The following FSCN2 variants were observed in gnomAD, a reference collection of about 807,000 sequenced individuals.
FSCN2 encodes the protein fascin actin-bundling protein 2, retinal.
A neutral mutation model predicts 37.8 loss-of-function variants in FSCN2; 46 were observed. The ratio of observed to expected loss-of-function variants is 1.22; its 90% CI spans 0.96 to 1.56. The LOEUF (loss-of-function observed/expected upper bound fraction) is 1.56. Among genes scored for constraint, FSCN2 ranks in the 40% most tolerant of loss-of-function variants. The pLI, the probability that FSCN2 is intolerant of heterozygous loss-of-function variation, is 0.00. For synonymous variants in FSCN2, 351 were observed against 309.4 expected (o/e 1.13, Z -1.41); for missense variants, 844 against 730.4 (o/e 1.16, Z -1.79).
chr17:81,529,822 T>A (rs899098384), intron 1 of FSCN2, among the ~76,000 whole-genome samples: 1 of 152,208 alleles, frequency 6.6e-6, no homozygotes, highest in Non-Finnish European at 1.5e-5. Flanking sequence ...TATTTATTTA[T>A]TTTTTGAGAC....
chr17:81,530,326 A>G (rs1429004603), intron 1 of FSCN2, among the ~76,000 whole-genome samples: 2 of 152,154 alleles, frequency 1.3e-5, no homozygotes, highest in Non-Finnish European at 2.9e-5. Context: ...TCCCTGCCCC[A>G]GTGGGGCGTG....
chr17:81,528,383 G>A lies in FSCN2; in HGVS notation c.-149G>A, dbSNP rs979253113. On this transcript the variant is annotated 5_prime_UTR_variant, in exon 1 of 5. Transcript: ENST00000417245. The stretch of plus-strand genomic sequence containing the variant: ...CAGGCTGCTGCCGCGGGTCAGAGGC[G>A]GGTCAGAGCAGGCAGGGGGTTCGTG... 5.1e-5 allele frequency: 32 copies of A among 627,590 alleles called. No individual in the cohort carries two copies. Among genetic ancestry groups the A allele is most frequent in the African/African-American group, 3.3e-4 (18 of 54,352 alleles). 38.9% of individuals were successfully genotyped at this position (627,590 alleles called of 1,614,324 possible).
At position 81,537,016 on chromosome 17, in the gene FSCN2, G is replaced by A. The variant is rs760738833; in HGVS notation, c.1415G>A (p.Gly472Asp). ...CGGAGCGGCAAGTACCTGCGCGGCG[G>A]CGCCTCGGGCCTGCTGCGGGCCGAT... is the stretch of plus-strand genomic sequence containing the variant. ...RARSGKYLRG[G>D]ASGLLRADAD... Residue 472 changes from glycine (G) to aspartate (D), a missense_variant, in exon 5 of 5, where the codon GGC becomes GAC. Gly to Asp is a moderately conservative substitution (Grantham distance 94, BLOSUM62 -1). Coordinates refer to ENST00000417245, the MANE Select transcript of FSCN2 (RefSeq NM_012418.4). 1 of 1,503,948 alleles carries A rather than the reference G, an allele frequency of 6.6e-7. No individual in the cohort carries two copies. The highest frequency in any genetic ancestry group is 2.7e-5 in the East Asian group (1 of 36,580). 93.2% of individuals were successfully genotyped at this position (1,503,948 alleles called of 1,614,324 possible).
chr17:81,528,941 TCCACCCGCAGGCCCAC>T lies in FSCN2; in HGVS notation c.412_427del (p.His138CysfsTer2), dbSNP rs1482392797. On this transcript the variant is annotated frameshift_variant, in exon 1 of 5. Coordinates refer to ENST00000417245, the MANE Select transcript of FSCN2 (RefSeq NM_012418.4). LOFTEE classifies it high-confidence loss of function. Reference sequence around the variant, plus strand: ...GAGCTGTGGACCGTGCACCTGGCCATCCACCCGCAGGCCCACCTGCTGAGCGTGAGCCGGCGGCGCT... The same window carrying T: ...GAGCTGTGGACCGTGCACCTGGCCATCTGCTGAGCGTGAGCCGGCGGCGCT... 7 of 1,590,826 alleles carry T rather than the reference TCCACCCGCAGGCCCAC, an allele frequency of 4.4e-6. No individual in the cohort carries two copies. In the Admixed American group the frequency reaches 1.2e-4, roughly 27 times the overall value.
Position 81,537,084 on chromosome 17 carries a change from C to G in FSCN2, c.*4C>G, listed in dbSNP as rs794727711. On this transcript the variant is annotated 3_prime_UTR_variant, in exon 5 of 5. Coordinates refer to ENST00000417245, the MANE Select transcript of FSCN2 (RefSeq NM_012418.4). The stretch of plus-strand genomic sequence containing the variant: ...GACCGCGCTTTGGGAGTACTGAGGC[C>G]GCGCCCAGACCAGCCTGTCGCGCAT... 3 of 1,431,894 alleles carry G rather than the reference C, an allele frequency of 2.1e-6. No homozygotes were observed. Among genetic ancestry groups the G allele is most frequent in the Middle Eastern group, 3.9e-4 (2 of 5,096 alleles). The allele number at this position is 1,431,894 out of a possible 1,614,324, so 88.7% of individuals were successfully genotyped here.
chr17:81,527,290 C>G (rs1304122405), upstream of FSCN2: 5 of 152,324 alleles, frequency 3.3e-5, no homozygotes, highest in African/African-American at 1.2e-4. Context: ...GGCCTGTGGC[C>G]CCTGTTCCCA....
In FSCN2 at chr17:81,536,274, A is replaced by G; in HGVS notation, c.1105+7A>G. 1 of 1,593,550 alleles carries G rather than the reference A, an allele frequency of 6.3e-7. No homozygotes were observed. Among genetic ancestry groups the G allele is most frequent in the Non-Finnish European group, 8.5e-7 (1 of 1,171,178 alleles). ...GCTATCAGCGATTTTGTCGGTGAGC[A>G]CTCTGCCTGCCAGGTACTGGGGCAG... On this transcript the variant is annotated splice_region_variant and intron_variant, in intron 3 of 4. Transcript: ENST00000417245.
intron 2 of FSCN2, 84 bp downstream of exon 2, chr17:81,535,292 C>T (rs1029073453): frequency 3.9e-6 from 3 of 770,176 alleles, no homozygotes; most frequent in Non-Finnish European, 6.1e-6. Flanking sequence ...CCATCCGCAT[C>T]CCCATCTCCA....
chr17:81,536,330 C>T lies in FSCN2; in HGVS notation c.1105+63C>T, dbSNP rs999613233. 41 of 1,539,128 alleles carry T rather than the reference C, an allele frequency of 2.7e-5. 1 individual carries two copies. In the South Asian group the frequency reaches 3.1e-4, roughly 12 times the overall value. ...GTCTCCACCCAGGGAAAGGACCTGCCCAGACACCCCATCTCCACCAAGAGC... is the reference window on the plus strand; with the variant it reads ...GTCTCCACCCAGGGAAAGGACCTGCTCAGACACCCCATCTCCACCAAGAGC... On this transcript the variant is annotated intron_variant, in intron 3 of 4. Coordinates refer to ENST00000417245, the MANE Select transcript of FSCN2 (RefSeq NM_012418.4).
the FSCN2 span, among the ~76,000 whole-genome samples, chr17:81,520,991 A>C: frequency 6.6e-6 from 1 of 151,764 alleles, no homozygotes. Flanking sequence ...ACCTTCTGGG[A>C]TATTTCCTTG....
chr17:81,535,047 T>C lies in FSCN2; in HGVS notation c.827-5T>C. The C allele has an allele frequency of 6.6e-7, 1 of 1,525,236 alleles. No homozygotes were observed. The highest frequency in any genetic ancestry group is 8.8e-7 in the Non-Finnish European group (1 of 1,141,136). 94.5% of individuals were successfully genotyped at this position (1,525,236 alleles called of 1,614,324 possible). A position where few individuals can be genotyped will look rare whatever the true frequency, so the allele number is the denominator to read the frequency against. ...GTGAGGGGCTTCCCCATCTCCTCCCTCCAGGGGTCAACGTCTCAGCCAATC... is the reference window on the plus strand; with the variant it reads ...GTGAGGGGCTTCCCCATCTCCTCCCCCCAGGGGTCAACGTCTCAGCCAATC... On this transcript the variant is annotated splice_region_variant and splice_polypyrimidine_tract_variant and intron_variant, in intron 1 of 4. Coordinates refer to ENST00000417245, the MANE Select transcript of FSCN2 (RefSeq NM_012418.4).
Position 81,528,730 on chromosome 17 carries a change from C to A in FSCN2, c.199C>A (p.Arg67Ser), listed in dbSNP as rs1555670577. The stretch of plus-strand genomic sequence containing the variant: ...GCTGCTCCGCAGCAGCCACCTGGGC[C>A]GCTACCTGTCGGCAGAAGAGGACGG... Reference protein sequence around the residue: ...AVLLRSSHLGRYLSAEEDGRV... With the variant: ...AVLLRSSHLGSYLSAEEDGRV... Residue 67 changes from arginine (R) to serine (S), a missense_variant, in exon 1 of 5, where the codon CGC becomes AGC. Transcript: ENST00000417245. The A allele has an allele frequency of 6.3e-7, 1 of 1,595,026 alleles. No individual in the cohort carries two copies. Among genetic ancestry groups the A allele is most frequent in the Non-Finnish European group, 8.5e-7 (1 of 1,171,944 alleles).
rs1568083969 is a variant in FSCN2, at chr17:81,536,895, T to C, written c.1294T>C (p.Tyr432His). The change falls in exon 5 of 5, where the codon TAC (tyrosine) becomes CAC (histidine). Residue 432 changes from tyrosine to histidine, a missense_variant. Physicochemically the swap from Tyr to His is moderately conservative, Grantham distance 83. Transcript: ENST00000417245. ...CCCAGGCCGCGACGGAGGGTTCTGGTACACGGGCAGCCACGGCAGCGTGTG... is the reference window on the plus strand; with the variant it reads ...CCCAGGCCGCGACGGAGGGTTCTGGCACACGGGCAGCCACGGCAGCGTGTG... ...RIRGRDGGFW[Y>H]TGSHGSVCSD... is the part of the protein sequence containing the mutation. 6 of 1,578,386 alleles carry C rather than the reference T, an allele frequency of 3.8e-6. No homozygotes were observed. Among genetic ancestry groups the C allele is most frequent in the Non-Finnish European group, 5.2e-6 (6 of 1,164,336 alleles).
chr17:81,535,254 A>G (rs1465011165), intron 2 of FSCN2, 46 bp downstream of exon 2: 4 of 1,367,626 alleles, frequency 2.9e-6, no homozygotes, highest in Non-Finnish European at 4.0e-6. Flanking sequence ...CATCCCCACC[A>G]TCACCATCCC....
chr17:81,529,970 C>T lies in FSCN2; in HGVS notation c.826+613C>T, dbSNP rs1380389913. Among the ~76,000 whole-genome samples, 7 of 152,198 alleles carry T rather than the reference C, an allele frequency of 4.6e-5. No homozygotes were observed. The East Asian group carries it at 7.7e-4, about 17-fold the overall frequency. The stretch of plus-strand genomic sequence containing the variant: ...GACTACAGGCGCCCGCCACCACGCC[C>T]GGCTAATTTTTTGTATTTTTTAGAA... On this transcript the variant is annotated intron_variant, in intron 1 of 4. Coordinates refer to ENST00000417245, the MANE Select transcript of FSCN2 (RefSeq NM_012418.4).
the FSCN2 span, among the ~76,000 whole-genome samples, chr17:81,515,369 C>T: frequency 3.3e-5 from 5 of 152,100 alleles, no homozygotes; most frequent in African/African-American, 7.2e-5. Flanking sequence ...GGGCGGCCTC[C>T]GGAGCCGGGA....
the FSCN2 span, among the ~76,000 whole-genome samples, chr17:81,517,092 C>T: frequency 4.6e-5 from 7 of 152,054 alleles, no homozygotes; most frequent in East Asian, 1.9e-4. Flanking sequence ...GCACTCTACA[C>T]GAGGGTTAGG....
At chr17:81,535,257 ACCATCC>A in intron 2 of FSCN2, 49 bp downstream of exon 2, 1 of 1,323,512 alleles carries the variant, frequency 7.6e-7, no homozygotes, top group African/African-American at 1.5e-5. Flanking sequence ...CCCCACCATC[ACCATCC>A]CCATCATCAC....
chr17:81,533,664 T>C (rs922472684), intron 1 of FSCN2, among the ~76,000 whole-genome samples: 2 of 151,988 alleles, frequency 1.3e-5, no homozygotes, highest in Non-Finnish European at 2.9e-5. Flanking sequence ...CAGAACTGAG[T>C]CCCCCAACTG....
Sources: allele counts gnomAD v4.1 joint callset (sites outside exome capture counted in the v4.1 genomes callset), GRCh38; gene constraint gnomAD v4.1.1; transcripts MANE v1.5; gene names NCBI Gene and HGNC (gene_info 2026-07-23, HGNC 2026-07-21).